The following DCHS2 variants were observed in gnomAD, a reference collection of about 807,000 sequenced individuals.
DCHS2 encodes protocadherin-23.
DCHS2 carries 142 observed loss-of-function variants against 182.4 expected under a neutral mutation model. The ratio of observed to expected loss-of-function variants is 0.78; its 90% CI spans 0.68 to 0.89. The LOEUF (loss-of-function observed/expected upper bound fraction) is 0.89, where lower values mean the gene tolerates loss of function less well. DCHS2 is among the 40% of genes least tolerant of loss of function. The probability of loss-of-function intolerance (pLI) is 0.00; values close to 1 mark genes in which losing one functional copy is unlikely to be tolerated. For synonymous variants in DCHS2, 1,740 were observed against 1,663.3 expected (o/e 1.05, Z -1.12); for missense variants, 4,319 against 4,198.6 (o/e 1.03, Z -0.79).
chr4:154,491,261 G>A lies in DCHS2; in HGVS notation c.95C>T (p.Pro32Leu), dbSNP rs1480005193. The A allele has an allele frequency of 1.9e-6, 3 of 1,551,152 alleles. No individual in the cohort carries two copies. In the African/African-American group the frequency reaches 4.1e-5, roughly 21 times the overall value. ...GCCGCTGCTGCCTGACCGCCCATGG[G>A]GTGTATCTCTCCTCCCGGGGAGCAG... ...LLLLPGRRDT[P>L]HGRSGSSGAR... Residue 32 changes from proline (P) to leucine (L), a missense_variant, in exon 1 of 20, where the codon CCC becomes CTC. Coordinates refer to ENST00000357232, the MANE Select transcript of DCHS2 (RefSeq NM_001358235.2).
chr4:154,244,558 A>G (rs1731986841), intron 16 of DCHS2, among the ~76,000 whole-genome samples: 2 of 152,278 alleles, frequency 1.3e-5, no homozygotes, highest in Non-Finnish European at 2.9e-5. Context: ...AAGTTGATAC[A>G]CTTTCACTTT....
intron 7 of DCHS2, among the ~76,000 whole-genome samples, chr4:154,326,744 C>T (rs577012002): frequency 6.6e-4 from 101 of 152,122 alleles, no homozygotes; most frequent in African/African-American, 2.0e-3. Flanking sequence ...TTTTAACTGG[C>T]CCATTTATTA....
intron 1 of DCHS2, among the ~76,000 whole-genome samples, chr4:154,474,799 G>A (rs1325872825): frequency 1.3e-5 from 2 of 152,144 alleles, no homozygotes; most frequent in African/African-American, 4.8e-5. Context: ...AGGGTGTTGT[G>A]AAAATGAAAC....
At position 154,371,991 on chromosome 4, in the gene DCHS2, T is replaced by C. The variant is rs149730056; in HGVS notation, c.2244+5262A>G. The stretch of plus-strand genomic sequence containing the variant: ...AGATCCAAACCACATCAGTAAGAGA[T>C]TGATTTAAACTAAGGGATGAACTGG... On this transcript the variant is annotated intron_variant, in intron 2 of 19. Coordinates refer to ENST00000357232, the MANE Select transcript of DCHS2 (RefSeq NM_001358235.2). 9.5e-4 allele frequency among the ~76,000 whole-genome samples: 144 copies of C among 152,208 alleles called. 1 individual carries two copies. The highest frequency in any genetic ancestry group is 3.3e-3 in the African/African-American group (135 of 41,514).
chr4:154,414,108 T>C (rs1732734888), intron 1 of DCHS2, among the ~76,000 whole-genome samples: 1 of 151,912 alleles, frequency 6.6e-6, no homozygotes. Context: ...TCTCCTCAGC[T>C]TCTAGAATAG....
chr4:154,252,897 G>A (rs578056372), intron 16 of DCHS2, among the ~76,000 whole-genome samples: 24 of 152,106 alleles, frequency 1.6e-4, no homozygotes, highest in African/African-American at 5.5e-4. Context: ...TAAAACAAAG[G>A]GCTGGAATTG....
chr4:154,307,568 G>A (rs747026514), intron 10 of DCHS2, among the ~76,000 whole-genome samples: 25 of 151,998 alleles, frequency 1.6e-4, no homozygotes. Context: ...TCTCCAGTCC[G>A]GCCCCATGAG....
At chr4:154,335,493 G>A (rs1037823779) in intron 3 of DCHS2, among the ~76,000 whole-genome samples, 1 of 152,136 alleles carries the variant, frequency 6.6e-6, no homozygotes, top group African/African-American at 2.4e-5. Flanking sequence ...CGAGCCTGCT[G>A]GTCTTCAGCC....
intron 1 of DCHS2, among the ~76,000 whole-genome samples, chr4:154,385,776 GCCA>G (rs1455034887): frequency 6.6e-6 from 1 of 152,032 alleles, no homozygotes; most frequent in Non-Finnish European, 1.5e-5. Context: ...AAAGGTGTGA[GCCA>G]CCACGCCCAG....
chr4:154,437,850 T>C (rs1161647395), intron 1 of DCHS2, among the ~76,000 whole-genome samples: 1 of 152,186 alleles, frequency 6.6e-6, no homozygotes, highest in African/African-American at 2.4e-5. Flanking sequence ...TAAACAGTTA[T>C]ACAGTAGAGA....
Position 154,490,634 on chromosome 4 carries a change from G to T in DCHS2, c.722C>A (p.Ser241Ter), listed in dbSNP as rs1000190132. 2.4e-5 allele frequency: 37 copies of T among 1,550,706 alleles called. No individual in the cohort carries two copies. Among genetic ancestry groups the T allele is most frequent in the Non-Finnish European group, 3.2e-5 (37 of 1,146,898 alleles). The change falls in exon 1 of 20, where the codon TCA (serine) becomes TAA (stop). Residue 241 changes from serine to a stop codon, truncating the protein, a stop_gained. Coordinates refer to ENST00000357232, the MANE Select transcript of DCHS2 (RefSeq NM_001358235.2). LOFTEE classifies it high-confidence loss of function. ...LPSPLLPGSS[S>*]PLEPLDLVLL... ...CACCAGATCTAGAGGCTCCAGGGGT[G>T]ACGAGGAGCCTGGCAAAAGCGGTGA...
At chr4:154,258,417 G>A (rs1215879315) in intron 15 of DCHS2, among the ~76,000 whole-genome samples, 2 of 62,764 alleles carry the variant, frequency 3.2e-5, no homozygotes, top group Non-Finnish European at 5.8e-5. Context: ...TGCTCTTATT[G>A]CCCAGGCTGG....
intron 3 of DCHS2, chr4:154,357,106 C>T (rs746667182): frequency 2.1e-4 from 141 of 661,906 alleles, no homozygotes; most frequent in South Asian, 4.3e-4. Flanking sequence ...CTAACATCAA[C>T]GAACCTTTGG....
chr4:154,329,529 G>A lies in DCHS2; in HGVS notation c.3912C>T (p.His1304=), dbSNP rs1177997996. The change falls in exon 6 of 20, where the codon CAC becomes CAT. Residue 1304 remains histidine, a synonymous_variant. Coordinates refer to ENST00000357232, the MANE Select transcript of DCHS2 (RefSeq NM_001358235.2). ...GCAAGGTTTCTTCACAAACCTTCACGTGTAACTCCTTTCCAGGGAGACACT... is the reference window on the plus strand; with the variant it reads ...GCAAGGTTTCTTCACAAACCTTCACATGTAACTCCTTTCCAGGGAGACACT... The part of the protein sequence containing the change: ...FPQCLPGKEL[H]VKVLEGQPVN... 3.1e-6 allele frequency: 5 copies of A among 1,613,132 alleles called. No homozygotes were observed. The South Asian group carries it at 4.4e-5, about 14-fold the overall frequency.
intron 3 of DCHS2, among the ~76,000 whole-genome samples, chr4:154,351,000 C>G (rs189125040): frequency 3.9e-5 from 6 of 152,234 alleles, no homozygotes; most frequent in Middle Eastern, 3.4e-3. Flanking sequence ...ATTGGCCATG[C>G]CTTCAAGAAG....
At chr4:154,412,317 C>T (rs1262980663) in intron 1 of DCHS2, among the ~76,000 whole-genome samples, 2 of 152,146 alleles carry the variant, frequency 1.3e-5, no homozygotes, top group African/African-American at 2.4e-5. Context: ...GACCCAACAA[C>T]GTTTTACCCC....
Position 154,235,828 on chromosome 4 carries a change from G to A in DCHS2, c.8824C>T (p.Pro2942Ser), listed in dbSNP as rs766143078. Reference protein sequence around the residue: ...NGNIYLIRALPLIKSQLNKED... With the variant: ...NGNIYLIRALSLIKSQLNKED... ...TTGTTGAGTTGACTTTTTATTAGGG[G>A]AAGGGCTCTAATCAAATAAATATTT... Residue 2942 changes from proline to serine, a missense_variant, in exon 20 of 20, where the codon CCC becomes TCC. Pro to Ser is a moderately conservative substitution (Grantham distance 74). Transcript: ENST00000357232. 2 of 1,613,836 alleles carry A rather than the reference G, an allele frequency of 1.2e-6. No homozygotes were observed. Among genetic ancestry groups the A allele is most frequent in the African/African-American group, 1.3e-5 (1 of 74,890 alleles).
At chr4:154,346,192 AG>A (rs1294321361) in intron 3 of DCHS2, among the ~76,000 whole-genome samples, 1 of 152,224 alleles carries the variant, frequency 6.6e-6, no homozygotes, top group African/African-American at 2.4e-5. Context: ...TGAATTTTGG[AG>A]GGGCACAAAC....
At chr4:154,475,465 A>C (rs1735644697) in intron 1 of DCHS2, among the ~76,000 whole-genome samples, 1 of 152,154 alleles carries the variant, frequency 6.6e-6, no homozygotes, top group African/African-American at 2.4e-5. Flanking sequence ...AATTAGCCAG[A>C]CTTTTTTTTT....
Sources: gnomAD v4.1 joint callset for allele counts (sites outside exome capture counted in the v4.1 genomes callset) on GRCh38, gnomAD v4.1.1 for gene constraint, MANE v1.5 for transcripts, NCBI Gene and HGNC (gene_info 2026-07-23, HGNC 2026-07-21) for gene names.